The following TNS3 variants were observed in gnomAD, a reference collection of about 807,000 sequenced individuals.
TNS3 encodes tensin 3.
In TNS3, 45 loss-of-function variants were observed where a neutral mutation model predicts 140.9. That is an observed-to-expected ratio of 0.32 (90% CI 0.25 to 0.41). TNS3 has a LOEUF of 0.41. Among genes scored for constraint, TNS3 ranks in the 10% least tolerant of loss-of-function variants. The probability of loss-of-function intolerance (pLI) is 1.00; values close to 1 mark genes in which losing one functional copy is unlikely to be tolerated. For missense variants in TNS3, 1,716 were observed against 1,906.7 expected, an observed-to-expected ratio of 0.90 and a Z score of 1.86; for synonymous variants, 815 against 788.4, an observed-to-expected ratio of 1.03 and a Z score of -0.56.
rs374945124 is a variant in TNS3, at chr7:47,302,934, C to G, written c.3457+16G>C. The G allele has an allele frequency of 1.3e-4, 200 of 1,581,988 alleles. 1 individual carries two copies. The highest frequency in any genetic ancestry group is 1.6e-4 in the Non-Finnish European group (190 of 1,161,654). The stretch of plus-strand genomic sequence containing the variant: ...TGGACAGAGGGGCCCTTCCAACCAG[C>G]TGGAAACACACCTACCTGGCAGAGG... On this transcript the variant is annotated intron_variant, in intron 22 of 30. Transcript: ENST00000311160.
At chr7:47,536,156 CGTTTGA>C (rs1490639563) in intron 1 of TNS3, among the ~76,000 whole-genome samples, 7 of 152,342 alleles carry the variant, frequency 4.6e-5, no homozygotes, top group African/African-American at 1.7e-4. Flanking sequence ...CAGGCAGCAG[CGTTTGA>C]CCACTAAACT....
intron 4 of TNS3, among the ~76,000 whole-genome samples, chr7:47,478,813 T>C (rs1797298841): frequency 6.6e-6 from 1 of 152,138 alleles, no homozygotes; most frequent in Admixed American, 6.5e-5. Flanking sequence ...ATGTATAACA[T>C]GCATGTATGT....
chr7:47,570,559 T>G (rs1325703346), intron 1 of TNS3, among the ~76,000 whole-genome samples: 1 of 152,244 alleles, frequency 6.6e-6, no homozygotes, highest in African/African-American at 2.4e-5. Flanking sequence ...ATGAAAGTTG[T>G]GGCCCTAATA....
rs117931268 is a variant in TNS3 at position 47,513,423 on chromosome 7, C to T, written c.-152-6479G>A. Among the ~76,000 whole-genome samples, 964 of 152,314 alleles carry T rather than the reference C, an allele frequency of 6.3e-3. 6 individuals are homozygous for T. Among genetic ancestry groups the T allele is most frequent in the South Asian group, 0.012 (57 of 4,830 alleles). On this transcript the variant is annotated intron_variant, in intron 2 of 30. Transcript: ENST00000311160. The stretch of plus-strand genomic sequence containing the variant: ...GTTTCGATCGATTCTCCCGCCTCGG[C>T]GTCCCAAAATGCTGGGATTACAAGC...
chr7:47,415,382 C>T (rs529904027), intron 10 of TNS3, among the ~76,000 whole-genome samples, 176 bp from the exon 11 acceptor site: 3 of 152,170 alleles, frequency 2.0e-5, no homozygotes, highest in Non-Finnish European at 4.4e-5. Flanking sequence ...GAGGGCTTCC[C>T]ACCAGCGCAC....
At chr7:47,461,939 A>C (rs1191318680) in intron 4 of TNS3, among the ~76,000 whole-genome samples, 2 of 152,176 alleles carry the variant, frequency 1.3e-5, no homozygotes, top group African/African-American at 2.4e-5. Flanking sequence ...AGGAACCCCA[A>C]ATGGGAAATT....
intron 1 of TNS3, among the ~76,000 whole-genome samples, chr7:47,532,063 G>GC (rs57977999): frequency 0.028 from 4,181 of 151,420 alleles, 181 homozygotes; most frequent in African/African-American, 0.094. Flanking sequence ...CGCATGGGAA[G>GC]CCCCCCCCCG....
chr7:47,393,861 G>C (rs954171819), intron 16 of TNS3, among the ~76,000 whole-genome samples: 2 of 152,030 alleles, frequency 1.3e-5, no homozygotes, highest in Admixed American at 1.3e-4. Flanking sequence ...GTCCTTCTCA[G>C]TTTCTTTCCA....
intron 3 of TNS3, among the ~76,000 whole-genome samples, chr7:47,499,662 A>T (rs974679893): frequency 2.6e-5 from 4 of 152,206 alleles, no homozygotes; most frequent in African/African-American, 9.7e-5. Flanking sequence ...ATTCTGGAAA[A>T]GGCAACACTA....
chr7:47,471,143 A>G (rs6948177), intron 4 of TNS3, among the ~76,000 whole-genome samples: 104,043 of 151,818 alleles, frequency 0.69, 35,910 homozygotes, highest in East Asian at 0.87. Context: ...TTTAGGCGTG[A>G]GAGGAGACGG....
intron 15 of TNS3, 86 bp downstream of exon 15, chr7:47,400,307 G>T: frequency 9.4e-7 from 1 of 1,063,114 alleles, no homozygotes; most frequent in South Asian, 1.3e-5. Context: ...AAAGGCAGGA[G>T]ACTAGTACTA....
intron 20 of TNS3, among the ~76,000 whole-genome samples, chr7:47,334,668 G>A (rs576004154): frequency 5.2e-4 from 76 of 144,956 alleles, no homozygotes; most frequent in Middle Eastern, 7.6e-3. Context: ...ACAGTGGTGC[G>A]ATCTCGGCTC....
chr7:47,368,616 C>T lies in TNS3; in HGVS notation c.2030G>A (p.Gly677Glu). 1.9e-6 allele frequency: 3 copies of T among 1,593,312 alleles called. No homozygotes were observed. Among genetic ancestry groups the T allele is most frequent in the Non-Finnish European group, 2.6e-6 (3 of 1,169,924 alleles). The change falls in exon 17 of 31, where the codon GGA (glycine) becomes GAA (glutamate). Residue 677 changes from glycine (G) to glutamate (E), a missense_variant. Physicochemically the swap from Gly to Glu is moderately conservative, Grantham distance 98. This residue lies in a region of TNS3 where 1,163 missense variants were observed against 1,182.1 expected (regional missense o/e 0.98). Coordinates refer to ENST00000311160, the MANE Select transcript of TNS3 (RefSeq NM_022748.12). ...PRFPGDQVVNGAGPELSTGPS... is the reference protein window; with the variant it reads ...PRFPGDQVVNEAGPELSTGPS... ...GCCTGTGCTCAGCTCTGGGCCGGCT[C>T]CATTCACAACCTGGTCTCCTGGAAA...
chr7:47,363,389 T>C (rs1305470384), intron 17 of TNS3, among the ~76,000 whole-genome samples: 3 of 151,916 alleles, frequency 2.0e-5, no homozygotes, highest in African/African-American at 4.8e-5. Flanking sequence ...TGAAAGACTT[T>C]CTCAGGAAAT....
At position 47,318,259 on chromosome 7, in the gene TNS3, AC is replaced by A. The variant is rs572579967; in HGVS notation, c.2651-13257del. ...CTTCCATGTTGTAGTGCGTGTCAGA[AC>A]GTCCTTCCTTTTTAAGGCTGAGTAA... is the stretch of plus-strand genomic sequence containing the variant. On this transcript the variant is annotated intron_variant, in intron 20 of 30. Coordinates refer to ENST00000311160, the MANE Select transcript of TNS3 (RefSeq NM_022748.12). Among the ~76,000 whole-genome samples, 51 of 152,352 alleles carry A rather than the reference AC, an allele frequency of 3.3e-4. No homozygotes were observed. The East Asian group carries it at 9.8e-3, about 29-fold the overall frequency.
At position 47,514,274 on chromosome 7, in the gene TNS3, T is replaced by C. The variant is rs559114687; in HGVS notation, c.-152-7330A>G. 7.0e-4 allele frequency among the ~76,000 whole-genome samples: 106 copies of C among 152,362 alleles called. 3 individuals are homozygous for C. The South Asian group carries it at 0.021, about 31-fold the overall frequency. On this transcript the variant is annotated intron_variant, in intron 2 of 30. Coordinates refer to ENST00000311160, the MANE Select transcript of TNS3 (RefSeq NM_022748.12). The stretch of plus-strand genomic sequence containing the variant: ...ACCCCATGACCCCATTGTTGCCTTG[T>C]TAGTTTTAAATAACTACCATGTTCT...
At chr7:47,408,991 C>T (rs1584591235) in intron 13 of TNS3, among the ~76,000 whole-genome samples, 1 of 151,956 alleles carries the variant, frequency 6.6e-6, no homozygotes. Flanking sequence ...AGGGCAAAAA[C>T]TTCACTCATG....
intron 27 of TNS3, among the ~76,000 whole-genome samples, chr7:47,288,091 TA>T: frequency 6.6e-6 from 1 of 152,346 alleles, no homozygotes; most frequent in African/African-American, 2.4e-5. Flanking sequence ...GCAGGATAAC[TA>T]AGAAGCTTAA....
chr7:47,311,121 T>C (rs573100131), intron 20 of TNS3, among the ~76,000 whole-genome samples: 2 of 152,348 alleles, frequency 1.3e-5, no homozygotes, highest in Admixed American at 6.5e-5. Context: ...TTTCTAGTTC[T>C]AGATCCTTGA....
Sources: gnomAD v4.1 joint callset for allele counts (sites outside exome capture counted in the v4.1 genomes callset) on GRCh38, gnomAD v4.1.1 for gene constraint, gnomAD v4.1.1 regional missense constraint, MANE v1.5 for transcripts, NCBI Gene and HGNC (gene_info 2026-07-23, HGNC 2026-07-21) for gene names.